Variants in RPL13 observed in about 807,000 individuals in gnomAD.
RPL13 encodes large ribosomal subunit protein eL13.
A neutral mutation model predicts 21.4 loss-of-function variants in RPL13; 1 was observed. The ratio of observed to expected loss-of-function variants is 0.05; its 90% CI spans 0.02 to 0.22. RPL13 has a LOEUF of 0.22. Among genes scored for constraint, RPL13 ranks in the 10% least tolerant of loss-of-function variants. RPL13 has a pLI of 1.00. For synonymous variants in RPL13, 143 were observed against 120.5 expected (o/e 1.19, Z -1.23); for missense variants, 289 against 303.0 (o/e 0.95, Z 0.34).
At chr16:89,565,977 G>A (rs12919518), downstream of RPL13, 18,274 of 152,344 alleles carry the variant, frequency 0.12, 1,269 homozygotes, top group Middle Eastern at 0.17. Flanking sequence ...GTGCAGGTGC[G>A]CCCAGGCTCC....
rs1460555296 is a variant in RPL13 at position 89,561,606 on chromosome 16, G to A, written c.275G>A (p.Arg92Gln). ...RVAGIHKKVA[R>Q]TIGISVDPRR... ...GCCGGCATTCACAAGAAGGTGGCCC[G>A]GACCATCGGCATTTCTGTGGATCCG... Residue 92 changes from arginine to glutamine, a missense_variant, in exon 4 of 6, where the codon CGG becomes CAG. Transcript: ENST00000311528. 3 of 1,613,484 alleles carry A rather than the reference G, an allele frequency of 1.9e-6. No individual in the cohort carries two copies. The highest frequency in any genetic ancestry group is 1.3e-5 in the African/African-American group (1 of 74,924).
chr16:89,561,449 G>A (rs1250601295), intron 3 of RPL13, 81 bp downstream of exon 3: 3 of 1,612,262 alleles, frequency 1.9e-6, no homozygotes, highest in African/African-American at 1.3e-5. Context: ...ACATTCTCCG[G>A]AATCGCTGTA....
intron 4 of RPL13, chr16:89,562,010 T>G (rs1413454548): frequency 1.7e-6 from 1 of 589,798 alleles, no homozygotes; most frequent in Non-Finnish European, 3.0e-6. Flanking sequence ...TCCAAAATAT[T>G]TCTAGAAAGA....
chr16:89,562,462 C>A, intron 5 of RPL13, 71 bp downstream of exon 5: 1 of 1,451,018 alleles, frequency 6.9e-7, no homozygotes. Context: ...ATCTGAGATG[C>A]GGGTGATGGG....
rs1386130847 is a variant in RPL13, at chr16:89,561,365, C to T, written c.243C>T (p.Leu81=). 7.5e-6 allele frequency: 12 copies of T among 1,608,158 alleles called. No homozygotes were observed. The highest frequency in any genetic ancestry group is 1.0e-5 in the Non-Finnish European group (12 of 1,179,774). The part of the protein sequence containing the change: ...RAGRGFSLEE[L]RVAGIHKKVA... ...GCCGCGGCTTCAGCCTGGAGGAGCT[C>T]AGGGTGAGTACTGGCAGCGCTGCGG... The change falls in exon 3 of 6, where the codon CTC becomes CTT. Residue 81 remains leucine, a synonymous_variant. Transcript: ENST00000311528.
rs934168020 is a variant in RPL13, at chr16:89,563,234, T to A, written c.*192T>A. On this transcript the variant is annotated 3_prime_UTR_variant, in exon 6 of 6. Transcript: ENST00000311528. ...CTTTCTGTGTTGAAGCACTGTTGGT[T>A]GTTTGGTTAGTGACTGATGTAAAAC... The A allele has an allele frequency of 2.0e-6, 1 of 494,562 alleles. No homozygotes were observed. Among genetic ancestry groups the A allele is most frequent in the Admixed American group, 4.5e-5 (1 of 22,284 alleles). The allele number at this position is 494,562 out of a possible 1,614,324, so 30.6% of individuals were successfully genotyped here. A position where few individuals can be genotyped will look rare whatever the true frequency, so the allele number is the denominator to read the frequency against.
In RPL13 at chr16:89,560,989, G is replaced by A. The variant is rs2058739029; in HGVS notation, c.30G>A (p.Leu10=). The part of the protein sequence containing the change: MAPSRNGMV[L]KPHFHKDWQR... Reference sequence around the variant, plus strand: ...CGCCCAGCCGGAATGGCATGGTCTTGAAGCCCCACTTCCACAAGGACTGGC... The same window carrying A: ...CGCCCAGCCGGAATGGCATGGTCTTAAAGCCCCACTTCCACAAGGACTGGC... Residue 10 remains leucine (L), a synonymous_variant, in exon 2 of 6, where the codon TTG becomes TTA. Transcript: ENST00000311528. 2 of 1,607,542 alleles carry A rather than the reference G, an allele frequency of 1.2e-6. No homozygotes were observed. Among genetic ancestry groups the A allele is most frequent in the Non-Finnish European group, 1.7e-6 (2 of 1,178,404 alleles).
At chr16:89,562,615 T>G in intron 5 of RPL13, 1 of 589,570 alleles carries the variant, frequency 1.7e-6, no homozygotes, top group South Asian at 2.4e-5. Flanking sequence ...TTTTTGTTGT[T>G]GTTGGAAAGA....
chr16:89,562,409 C>G lies in RPL13; in HGVS notation c.477+18C>G. The stretch of plus-strand genomic sequence containing the variant: ...TCCGGAACGTAAGTGAACACTTACT[C>G]AAATCCAGGCTTCAGACGAGATCAG... On this transcript the variant is annotated intron_variant, in intron 5 of 5. Coordinates refer to ENST00000311528, the MANE Select transcript of RPL13 (RefSeq NM_000977.4). 6.2e-7 allele frequency: 1 copy of G among 1,607,998 alleles called. No homozygotes were observed. The highest frequency in any genetic ancestry group is 1.1e-5 in the South Asian group (1 of 89,812).
At chr16:89,562,742 G>C in intron 5 of RPL13, 142 bp from the exon 6 acceptor site, 1 of 758,398 alleles carries the variant, frequency 1.3e-6, no homozygotes, top group Non-Finnish European at 2.0e-6. Flanking sequence ...GAAGGTGATT[G>C]ACTCAGGGTT....
chr16:89,564,404 CTT>C lies in RPL13; in HGVS notation c.*1363_*1364del, dbSNP rs921325580. ...GTGATCAGTTTGTATGTTTGGGACTCTTGTCCTATGTAAAGTTAAGGTGGGCC... is the reference window on the plus strand; with the variant it reads ...GTGATCAGTTTGTATGTTTGGGACTCGTCCTATGTAAAGTTAAGGTGGGCC... On this transcript the variant is annotated 3_prime_UTR_variant, in exon 6 of 6. Coordinates refer to ENST00000311528, the MANE Select transcript of RPL13 (RefSeq NM_000977.4). The C allele has an allele frequency of 6.6e-6, 1 of 152,212 alleles. No individual in the cohort carries two copies. Among genetic ancestry groups the C allele is most frequent in the African/African-American group, 2.4e-5 (1 of 41,436 alleles). The allele number at this position is 152,212 out of a possible 1,614,324, so 9.4% of individuals were successfully genotyped here.
chr16:89,561,150 G>T, intron 2 of RPL13, 77 bp from the exon 3 acceptor site: 1 of 1,513,052 alleles, frequency 6.6e-7, no homozygotes. Context: ...GGCGGGGGGC[G>T]CTGTCTGCAA....
At chr16:89,564,648 C>G (rs1459047850), downstream of RPL13, 1 of 152,230 alleles carries the variant, frequency 6.6e-6, no homozygotes, top group African/African-American at 2.4e-5. Context: ...CAGCGAGACT[C>G]AGTCTCAAAA....
intron 5 of RPL13, 50 bp from the exon 6 acceptor site, chr16:89,562,834 C>A (rs749813436): frequency 6.8e-7 from 1 of 1,476,894 alleles, no homozygotes; most frequent in Admixed American, 2.6e-5. Context: ...CTTGGTTGTT[C>A]CCTTGCCCTT....
In RPL13 at chr16:89,563,047, C is replaced by A; in HGVS notation, c.*5C>A. ...GATGTTGAAAAGAAAAAATAAAGCC[C>A]TCCTGGGGACTTGGAATCAGTCGGC... On this transcript the variant is annotated 3_prime_UTR_variant, in exon 6 of 6. Coordinates refer to ENST00000311528, the MANE Select transcript of RPL13 (RefSeq NM_000977.4). 2 of 1,500,264 alleles carry A rather than the reference C, an allele frequency of 1.3e-6. No individual in the cohort carries two copies. Among genetic ancestry groups the A allele is most frequent in the Admixed American group, 4.7e-5 (2 of 42,136 alleles). The allele number at this position is 1,500,264 out of a possible 1,614,324, so 92.9% of individuals were successfully genotyped here.
chr16:89,561,114 C>A lies in RPL13; in HGVS notation c.104+51C>A, dbSNP rs560428678. The stretch of plus-strand genomic sequence containing the variant: ...CTGGGGCTCGTGCCCGCGGCTGCGC[C>A]TTGGCTTGCGGGTGGCCGATGCCAG... On this transcript the variant is annotated intron_variant, in intron 2 of 5. Coordinates refer to ENST00000311528, the MANE Select transcript of RPL13 (RefSeq NM_000977.4). 204 of 1,556,578 alleles carry A rather than the reference C, an allele frequency of 1.3e-4. No homozygotes were observed. The African/African-American group carries it at 2.5e-3, about 19-fold the overall frequency.
chr16:89,561,403 C>T, intron 3 of RPL13, 35 bp downstream of exon 3: 4 of 1,612,044 alleles, frequency 2.5e-6, no homozygotes, highest in Non-Finnish European at 3.4e-6. Flanking sequence ...TCAGGAAGGC[C>T]CCGAAGTCCC....
downstream of RPL13, chr16:89,565,628 G>A (rs1025647564): frequency 1.3e-5 from 2 of 152,534 alleles, no homozygotes; most frequent in African/African-American, 4.8e-5. Flanking sequence ...TGTGGGCCGT[G>A]CCCGAGTGTG....
At chr16:89,562,721 T>A (rs998104815) in intron 5 of RPL13, 163 bp from the exon 6 acceptor site, 31 of 678,630 alleles carry the variant, frequency 4.6e-5, no homozygotes, top group Non-Finnish European at 5.6e-5. Flanking sequence ...TTTTTTTTTT[T>A]AAATCCCAGG....
Sources: allele counts gnomAD v4.1 joint callset, GRCh38; gene constraint gnomAD v4.1.1; transcripts MANE v1.5; gene names NCBI Gene and HGNC (gene_info 2026-07-23, HGNC 2026-07-21).